MAP4K4: variants seen among roughly 807,000 people sequenced by gnomAD.
The protein encoded by MAP4K4 is HPK/GCK-like kinase HGK.
A neutral mutation model predicts 189.6 loss-of-function variants in MAP4K4; 38 were observed. That is an observed-to-expected ratio of 0.20 (90% CI 0.15 to 0.26). The LOEUF (loss-of-function observed/expected upper bound fraction) is 0.26. MAP4K4 is among the 10% of genes least tolerant of loss of function. The pLI, the probability that MAP4K4 is intolerant of heterozygous loss-of-function variation, is 1.00. For missense variants in MAP4K4, 1,054 were observed against 1,726.9 expected, an observed-to-expected ratio of 0.61 and a Z score of 6.91; for synonymous variants, 610 against 624.3, an observed-to-expected ratio of 0.98 and a Z score of 0.34.
chr2:101,723,280 C>A (rs2053297631), intron 2 of MAP4K4, among the ~76,000 whole-genome samples: 1 of 152,114 alleles, frequency 6.6e-6, no homozygotes, highest in African/African-American at 2.4e-5. Flanking sequence ...GAGGATGTTC[C>A]CCTCCTTTTT....
chr2:101,845,939 A>G (rs2097096009), intron 12 of MAP4K4, among the ~76,000 whole-genome samples: 1 of 152,232 alleles, frequency 6.6e-6, no homozygotes. Flanking sequence ...ACATGCTATT[A>G]AATATTATCC....
intron 2 of MAP4K4, among the ~76,000 whole-genome samples, chr2:101,737,539 A>G (rs1367512609): frequency 3.0e-5 from 4 of 134,986 alleles, no homozygotes; most frequent in African/African-American, 1.1e-4. Flanking sequence ...AGATTGGGAA[A>G]TGTTACGTAT....
intron 2 of MAP4K4, among the ~76,000 whole-genome samples, chr2:101,708,127 T>C (rs1374455196): frequency 2.6e-5 from 4 of 152,172 alleles, no homozygotes; most frequent in Non-Finnish European, 4.4e-5. Flanking sequence ...CAAAACCTGA[T>C]AGAAATGATC....
At chr2:101,743,395 G>A (rs139380842) in intron 2 of MAP4K4, among the ~76,000 whole-genome samples, 72 of 152,246 alleles carry the variant, frequency 4.7e-4, no homozygotes, top group Middle Eastern at 6.8e-3. Context: ...AAGGAAGAGC[G>A]TTGATTTGAC....
chr2:101,730,056 A>G (rs1040291335), intron 2 of MAP4K4, among the ~76,000 whole-genome samples: 3 of 152,214 alleles, frequency 2.0e-5, no homozygotes, highest in Non-Finnish European at 4.4e-5. Context: ...GAGTTAGTCC[A>G]GGGGCCCTCT....
Position 101,844,169 on chromosome 2 carries a change from A to G in MAP4K4, c.1091A>G (p.Lys364Arg). Residue 364 changes from lysine (K) to arginine (R), a missense_variant, in exon 12 of 33, where the codon AAG becomes AGG. Coordinates refer to ENST00000324219, the Ensembl canonical transcript of MAP4K4. ...TTCCTGAGACTGCAGCAGGAGAACAAGGAACGTTCCGAGGCTCTTCGGAGA... is the reference window on the plus strand; with the variant it reads ...TTCCTGAGACTGCAGCAGGAGAACAGGGAACGTTCCGAGGCTCTTCGGAGA... The G allele has an allele frequency of 6.2e-7, 1 of 1,612,496 alleles. No individual in the cohort carries two copies. Among genetic ancestry groups the G allele is most frequent in the Non-Finnish European group, 8.5e-7 (1 of 1,179,264 alleles).
At chr2:101,796,559 T>C (rs1277772648) in intron 3 of MAP4K4, among the ~76,000 whole-genome samples, 4 of 152,228 alleles carry the variant, frequency 2.6e-5, no homozygotes, top group Non-Finnish European at 4.4e-5. Context: ...ATTTCAAACA[T>C]CAGGTTTTTA....
chr2:101,857,583 C>T (rs1453514732), intron 13 of MAP4K4, among the ~76,000 whole-genome samples: 4 of 152,154 alleles, frequency 2.6e-5, no homozygotes, highest in African/African-American at 9.7e-5. Flanking sequence ...GTTAAGGCCA[C>T]AAGCCTTGCT....
chr2:101,778,519 C>A (rs771355213), intron 2 of MAP4K4, among the ~76,000 whole-genome samples: 12 of 152,032 alleles, frequency 7.9e-5, no homozygotes, highest in Non-Finnish European at 1.3e-4. Flanking sequence ...TGGGGGGATA[C>A]CTTGGCAGCT....
At chr2:101,797,889 G>GTTTTTTTTTTTGTTTTTTTTTTT (rs2093921234) in intron 3 of MAP4K4, among the ~76,000 whole-genome samples, 1 of 52,304 alleles carries the variant, frequency 1.9e-5, no homozygotes, top group Non-Finnish European at 3.3e-5. Flanking sequence ...CATTCTTTTA[G>GTTTTTTTTTTTGTTTTTTTTTTT]TTTTTTTTTT....
intron 2 of MAP4K4, among the ~76,000 whole-genome samples, chr2:101,706,737 C>G (rs1284045371): frequency 1.3e-5 from 2 of 152,194 alleles, no homozygotes; most frequent in Admixed American, 1.3e-4. Flanking sequence ...CCTGGAATGT[C>G]TGTTTCCTGG....
At chr2:101,845,446 T>G (rs1456977939) in intron 12 of MAP4K4, among the ~76,000 whole-genome samples, 1 of 152,194 alleles carries the variant, frequency 6.6e-6, no homozygotes, top group Non-Finnish European at 1.5e-5. Flanking sequence ...CATTAGGTGA[T>G]CCGTCATTGT....
intron 2 of MAP4K4, among the ~76,000 whole-genome samples, chr2:101,702,471 A>T (rs1391494331): frequency 6.6e-6 from 1 of 152,112 alleles, no homozygotes; most frequent in East Asian, 1.9e-4. Flanking sequence ...CAGGAGGCTG[A>T]GACAGGAGAG....
chr2:101,877,916 A>AT (rs1428688582), intron 27 of MAP4K4, among the ~76,000 whole-genome samples: 1 of 151,922 alleles, frequency 6.6e-6, no homozygotes, highest in East Asian at 1.9e-4. Context: ...TGCCCGGCTG[A>AT]TTTTTTGTAT....
intron 15 of MAP4K4, chr2:101,860,105 T>C (rs2097592410): frequency 1.8e-6 from 1 of 564,350 alleles, no homozygotes. Context: ...CCAGAAGAAC[T>C]TGAAACTGAA....
intron 2 of MAP4K4, among the ~76,000 whole-genome samples, chr2:101,703,691 A>G (rs1423752704): frequency 6.6e-6 from 1 of 151,456 alleles, no homozygotes; most frequent in South Asian, 2.1e-4. Flanking sequence ...GCTCAGTGGT[A>G]AAGTGCCATA....
At chr2:101,707,845 C>T (rs1175963487) in intron 2 of MAP4K4, among the ~76,000 whole-genome samples, 1 of 139,542 alleles carries the variant, frequency 7.2e-6, no homozygotes, top group African/African-American at 2.7e-5. Context: ...TGTCTGCCAC[C>T]ACGCCTGGCT....
chr2:101,843,807 AT>A (rs917009371), intron 11 of MAP4K4, among the ~76,000 whole-genome samples: 9 of 152,188 alleles, frequency 5.9e-5, no homozygotes, highest in Non-Finnish European at 1.3e-4. Context: ...AAAGAAGGTG[AT>A]TTCAACCTTT....
chr2:101,829,897 C>T (rs774684887), intron 6 of MAP4K4: 2 of 241,132 alleles, frequency 8.3e-6, no homozygotes, highest in Admixed American at 5.0e-5. Flanking sequence ...ATAAAACCTA[C>T]ATTTCTCACC....
Sources: allele counts gnomAD v4.1 joint callset (sites outside exome capture counted in the v4.1 genomes callset), GRCh38; gene constraint gnomAD v4.1.1; transcripts MANE v1.5; gene names NCBI Gene and HGNC (gene_info 2026-07-23, HGNC 2026-07-21).